The following GRHL1 variants were observed in gnomAD, a reference collection of about 807,000 sequenced individuals.
GRHL1 encodes grainyhead like transcription factor 1, also known as grainyhead-like protein 1 homolog.
Under a neutral mutation model 75.7 loss-of-function variants are expected in GRHL1, and 38 were observed. That is an observed-to-expected ratio of 0.50 (90% confidence interval 0.39 to 0.66). The LOEUF is 0.66. Ranked by LOEUF, GRHL1 falls within the 30% of genes least tolerant of loss-of-function variation. The pLI, the probability that GRHL1 is intolerant of heterozygous loss-of-function variation, is 0.00. For missense variants in GRHL1, 589 were observed against 767.5 expected (o/e 0.77, Z 2.75); for synonymous variants, 266 against 279.4 (o/e 0.95, Z 0.48).
At position 9,965,342 on chromosome 2, in the gene GRHL1, C is replaced by T. The variant is rs746451999; in HGVS notation, c.1071C>T (p.Asn357=). 23 of 1,611,778 alleles carry T rather than the reference C, an allele frequency of 1.4e-5. No individual in the cohort carries two copies. Among genetic ancestry groups the T allele is most frequent in the Middle Eastern group, 1.6e-4 (1 of 6,082 alleles). ...TISNIEEIAY[N]AISFTWDIND... is the part of the protein sequence containing the mutation. ...GTAACATCGAGGAGATTGCGTATAA[C>T]GCCATTTCCTTCACATGGGACATCA... Residue 357 remains asparagine (N), a synonymous_variant, in exon 8 of 16, where the codon AAC becomes AAT. Transcript: ENST00000324907.
chr2:9,954,822 G>A, intron 1 of GRHL1, 93 bp from the exon 2 acceptor site: 1 of 1,046,172 alleles, frequency 9.6e-7, no homozygotes, highest in Non-Finnish European at 1.5e-6. Context: ...TGAAACAATA[G>A]GCTATTTTAT....
chr2:9,995,822 A>G (rs1668837374), intron 12 of GRHL1, 57 bp from the exon 13 acceptor site: 2 of 949,580 alleles, frequency 2.1e-6, no homozygotes, highest in East Asian at 2.4e-5. Flanking sequence ...AAAACACCTT[A>G]ATGTTGATGC....
intron 8 of GRHL1, among the ~76,000 whole-genome samples, chr2:9,983,120 T>G (rs1316653343): frequency 6.6e-6 from 1 of 152,180 alleles, no homozygotes; most frequent in Non-Finnish European, 1.5e-5. Context: ...CATATCCCCT[T>G]GATCATCTGT....
intron 2 of GRHL1, among the ~76,000 whole-genome samples, chr2:9,957,387 A>G (rs1667075963): frequency 6.6e-6 from 1 of 151,846 alleles, no homozygotes; most frequent in Admixed American, 6.6e-5. Context: ...AAGCTTGAAA[A>G]GCATATTGTT....
At chr2:9,960,967 C>A in intron 3 of GRHL1, 79 bp from the exon 4 acceptor site, 3 of 1,103,506 alleles carry the variant, frequency 2.7e-6, no homozygotes, top group Non-Finnish European at 2.6e-6. Context: ...GACCCAACAG[C>A]CCAATGCCAT....
chr2:9,953,114 TA>T, intron 1 of GRHL1: 1 of 456,526 alleles, frequency 2.2e-6, no homozygotes, highest in South Asian at 1.6e-5. Flanking sequence ...TTTCCAAAGC[TA>T]ACATTTTGGC....
chr2:9,997,173 A>C (rs1056803922), intron 14 of GRHL1, among the ~76,000 whole-genome samples: 1 of 152,216 alleles, frequency 6.6e-6, no homozygotes, highest in Non-Finnish European at 1.5e-5. Context: ...GGCTTGCTTC[A>C]TGCCAGGCAC....
rs780354592 is a variant in GRHL1, at chr2:9,990,784, G to C, written c.1321+37G>C. ...GACCCCAGCTCCCAGGTGAATGCCTGTAAGTAGAAATGTTCCCGGCAAGCT... is the reference window on the plus strand; with the variant it reads ...GACCCCAGCTCCCAGGTGAATGCCTCTAAGTAGAAATGTTCCCGGCAAGCT... On this transcript the variant is annotated intron_variant, in intron 10 of 15. Transcript: ENST00000324907. The surrounding 1 kb of genome is among the most constrained non-coding windows in gnomAD (Gnocchi z 4.2). 6.4e-7 allele frequency: 1 copy of C among 1,558,708 alleles called. No individual in the cohort carries two copies. Among genetic ancestry groups the C allele is most frequent in the South Asian group, 1.1e-5 (1 of 87,916 alleles).
intron 1 of GRHL1, chr2:9,952,789 T>A: frequency 3.6e-6 from 1 of 274,652 alleles, no homozygotes; most frequent in South Asian, 3.5e-5. Flanking sequence ...GGCAGATAGG[T>A]ACCCCTCCCA....
chr2:9,990,171 C>T lies in GRHL1; in HGVS notation c.1270-525C>T, dbSNP rs1345009455. 1.3e-5 allele frequency among the ~76,000 whole-genome samples: 2 copies of T among 150,864 alleles called. No homozygotes were observed. The highest frequency in any genetic ancestry group is 4.9e-5 in the African/African-American group (2 of 40,962). ...GAAATTTTGCTTTTTTTTTTTGAGA[C>T]AGAGTTTCGCTTTGTCACCCAGGCT... On this transcript the variant is annotated intron_variant, in intron 9 of 15. Coordinates refer to ENST00000324907, the MANE Select transcript of GRHL1 (RefSeq NM_198182.3). This position sits in a 1 kb window ranked among gnomAD's most constrained non-coding sequence, Gnocchi z 4.2.
intron 8 of GRHL1, among the ~76,000 whole-genome samples, chr2:9,984,971 G>A (rs1356900434): frequency 2.0e-5 from 3 of 151,938 alleles, no homozygotes; most frequent in East Asian, 1.9e-4. Context: ...GGAAGGCTGA[G>A]GTGGGAGCAT....
Position 10,000,586 on chromosome 2 carries a change from C to A in GRHL1, c.1743-7C>A, listed in dbSNP as rs77607642. Reference sequence around the variant, plus strand: ...GAAGTTGGTTGGTCTTGTCCCCCCCCATCCAGGATCCTGGTGAACATGGAC... The same window carrying A: ...GAAGTTGGTTGGTCTTGTCCCCCCCAATCCAGGATCCTGGTGAACATGGAC... On this transcript the variant is annotated splice_polypyrimidine_tract_variant and splice_region_variant and intron_variant, in intron 15 of 15. Transcript: ENST00000324907. The A allele has an allele frequency of 1.8e-5, 29 of 1,571,466 alleles. No individual in the cohort carries two copies. In the East Asian group the frequency reaches 2.5e-4, roughly 13 times the overall value.
intron 8 of GRHL1, chr2:9,965,585 TG>T: frequency 1.8e-6 from 1 of 540,876 alleles, no homozygotes; most frequent in Non-Finnish European, 3.3e-6. Flanking sequence ...GTCCAGTGTG[TG>T]AAACATTGAG....
intron 8 of GRHL1, among the ~76,000 whole-genome samples, chr2:9,967,877 T>G (rs1156772511): frequency 6.6e-6 from 1 of 152,204 alleles, no homozygotes; most frequent in African/African-American, 2.4e-5. Context: ...TGTTGATTTC[T>G]TTTTTTAATT....
At chr2:9,979,218 A>C (rs1668093111) in intron 8 of GRHL1, among the ~76,000 whole-genome samples, 1 of 134,772 alleles carries the variant, frequency 7.4e-6, no homozygotes, top group Admixed American at 8.2e-5. Context: ...GTCTTAATGG[A>C]TCTAAATGTT....
At chr2:9,965,492 C>A in intron 8 of GRHL1, 111 bp downstream of exon 8, 1 of 644,966 alleles carries the variant, frequency 1.6e-6, no homozygotes, top group South Asian at 1.8e-5. Context: ...GTTTCATTCT[C>A]AGGTGTTATG....
intron 12 of GRHL1, chr2:9,995,160 G>A (rs1179745715): frequency 6.6e-6 from 1 of 152,164 alleles, no homozygotes; most frequent in Non-Finnish European, 1.5e-5. Flanking sequence ...GCTTCCTGTG[G>A]GCCATTCTGT....
chr2:9,983,699 A>G (rs1668295564), intron 8 of GRHL1, among the ~76,000 whole-genome samples: 1 of 152,134 alleles, frequency 6.6e-6, no homozygotes, highest in Non-Finnish European at 1.5e-5. Flanking sequence ...AATGACAGAA[A>G]AAATTCGGAT....
chr2:9,959,000 A>C, intron 3 of GRHL1, 144 bp downstream of exon 3: 3 of 1,270,630 alleles, frequency 2.4e-6, no homozygotes, highest in Non-Finnish European at 3.1e-6. Context: ...TTCAGATTTC[A>C]TCACTGATTT....
Sources: allele counts gnomAD v4.1 joint callset (sites outside exome capture counted in the v4.1 genomes callset), GRCh38; gene constraint gnomAD v4.1.1; non-coding constraint Gnocchi (gnomAD v3.1); transcripts MANE v1.5; gene names NCBI Gene and HGNC (gene_info 2026-07-23, HGNC 2026-07-21).